Variants in MCC observed in about 807,000 individuals in gnomAD.
MCC encodes the protein colorectal mutant cancer protein.
Under a neutral mutation model 116.2 loss-of-function variants are expected in MCC, and 90 were observed. The ratio of observed to expected loss-of-function variants is 0.77; its 90% CI spans 0.65 to 0.92. MCC has a LOEUF of 0.92. Ranked by LOEUF, MCC falls within the 40% of genes least tolerant of loss-of-function variation. The pLI is 0.00. For synonymous variants in MCC, 578 were observed against 510.5 expected (o/e 1.13, Z -1.78); for missense variants, 1,516 against 1,312.2 (o/e 1.16, Z -2.40).
Position 113,329,823 on chromosome 5 carries a change from C to T in MCC, c.627+10696G>A, listed in dbSNP as rs1767656746. On this transcript the variant is annotated intron_variant, in intron 3 of 18. Transcript: ENST00000408903. ...GTCCATCCCTTTAGTGTATATAGATCAGCTTAGCCTCTCCTCCAGAAAGCA... is the reference window on the plus strand; with the variant it reads ...GTCCATCCCTTTAGTGTATATAGATTAGCTTAGCCTCTCCTCCAGAAAGCA... Among the ~76,000 whole-genome samples the T allele has an allele frequency of 2.0e-5, 3 of 152,164 alleles. No individual in the cohort carries two copies. In the South Asian group the frequency reaches 6.2e-4, roughly 32 times the overall value.
At chr5:113,117,899 G>C (rs1332730431) in intron 6 of MCC, among the ~76,000 whole-genome samples, 1 of 152,202 alleles carries the variant, frequency 6.6e-6, no homozygotes, top group Non-Finnish European at 1.5e-5. Context: ...TGATCACACA[G>C]CTGCTCCCTA....
In MCC at chr5:113,322,080, C is replaced by A. The variant is rs373651750; in HGVS notation, c.627+18439G>T. Among the ~76,000 whole-genome samples the A allele has an allele frequency of 1.8e-4, 27 of 152,306 alleles. 4 individuals carry two copies. Among genetic ancestry groups the A allele is most frequent in the Admixed American group, 7.2e-4 (11 of 15,302 alleles). On this transcript the variant is annotated intron_variant, in intron 3 of 18. Coordinates refer to ENST00000408903, the MANE Select transcript of MCC (RefSeq NM_001085377.2). ...CTCCTGACCTCAGGTGATCCACCTG[C>A]CTCGGGCTCCCAAAGTGCTGGGATT...
intron 16 of MCC, chr5:113,044,467 G>A (rs1425264050): frequency 9.2e-6 from 9 of 982,936 alleles, no homozygotes; most frequent in Non-Finnish European, 9.7e-6. Context: ...ATGGCTGGGG[G>A]AAGGCATTCA....
chr5:113,074,167 C>G (rs1754251876), intron 11 of MCC, among the ~76,000 whole-genome samples: 1 of 152,206 alleles, frequency 6.6e-6, no homozygotes. Flanking sequence ...GCTGGGTGCC[C>G]CTTTGATACG....
chr5:113,428,648 A>T (rs1666538280), intron 1 of MCC: 1 of 151,698 alleles, frequency 6.6e-6, no homozygotes, highest in Non-Finnish European at 1.5e-5. Context: ...TGCTTCCTTC[A>T]CTCCCTCACA....
chr5:113,467,443 T>A (rs1457882918), intron 1 of MCC, among the ~76,000 whole-genome samples: 1 of 152,218 alleles, frequency 6.6e-6, no homozygotes, highest in Non-Finnish European at 1.5e-5. Context: ...AAATAGGGAA[T>A]CCTTTCCCAT....
At chr5:113,279,154 C>T (rs1358747298) in intron 3 of MCC, among the ~76,000 whole-genome samples, 1 of 152,030 alleles carries the variant, frequency 6.6e-6, no homozygotes, top group East Asian at 1.9e-4. Flanking sequence ...AGTAACTTCC[C>T]AATTCCAATT....
At chr5:113,291,035 T>A (rs1581374051) in intron 3 of MCC, among the ~76,000 whole-genome samples, 1 of 152,212 alleles carries the variant, frequency 6.6e-6, no homozygotes, top group East Asian at 1.9e-4. Flanking sequence ...CCATTTATGG[T>A]CAATAAATAC....
At chr5:113,070,033 T>C (rs540483020) in intron 12 of MCC, among the ~76,000 whole-genome samples, 1 of 152,328 alleles carries the variant, frequency 6.6e-6, no homozygotes, top group Admixed American at 6.5e-5. Context: ...GTTGTACTAA[T>C]GTGGAGAAAG....
At chr5:113,200,326 G>A (rs1054409696) in intron 3 of MCC, among the ~76,000 whole-genome samples, 1 of 152,180 alleles carries the variant, frequency 6.6e-6, no homozygotes, top group Non-Finnish European at 1.5e-5. Context: ...CAACAGGCAG[G>A]TACAGTTTGT....
At chr5:113,066,936 G>A (rs1753647303) in intron 13 of MCC, among the ~76,000 whole-genome samples, 1 of 152,172 alleles carries the variant, frequency 6.6e-6, no homozygotes, top group Non-Finnish European at 1.5e-5. Flanking sequence ...CTCTCCGAAG[G>A]CTAAGGGGGT....
intron 1 of MCC, among the ~76,000 whole-genome samples, chr5:113,412,616 G>A (rs1235499831): frequency 6.6e-6 from 1 of 152,200 alleles, no homozygotes; most frequent in Non-Finnish European, 1.5e-5. Flanking sequence ...TTTGCACACT[G>A]ATTTTGTATA....
At chr5:113,263,629 C>G (rs1765294844) in intron 3 of MCC, among the ~76,000 whole-genome samples, 1 of 152,198 alleles carries the variant, frequency 6.6e-6, no homozygotes, top group Non-Finnish European at 1.5e-5. Flanking sequence ...AATAATTTTA[C>G]TGCAGGAATC....
chr5:113,462,227 C>T (rs1771763298), intron 1 of MCC, among the ~76,000 whole-genome samples: 1 of 152,226 alleles, frequency 6.6e-6, no homozygotes. Flanking sequence ...CTCTGGCTAA[C>T]CCAGCCATTC....
At chr5:113,066,891 C>A (rs571612818) in intron 13 of MCC, among the ~76,000 whole-genome samples, 1 of 152,194 alleles carries the variant, frequency 6.6e-6, no homozygotes, top group Non-Finnish European at 1.5e-5. Context: ...CTGGAGAGAC[C>A]TGGTCACCTT....
At chr5:113,156,204 G>A (rs7720516) in intron 3 of MCC, among the ~76,000 whole-genome samples, 1 of 151,980 alleles carries the variant, frequency 6.6e-6, no homozygotes, top group African/African-American at 2.4e-5. Context: ...AAAGCGCTAT[G>A]AAGTTGAGAG....
chr5:113,290,824 C>G (rs1766466202), intron 3 of MCC, among the ~76,000 whole-genome samples: 1 of 152,084 alleles, frequency 6.6e-6, no homozygotes, highest in African/African-American at 2.4e-5. Context: ...TTTTGCAATG[C>G]TTTTGATTTG....
chr5:113,229,528 C>CT (rs1334903827), intron 3 of MCC, among the ~76,000 whole-genome samples: 1 of 152,190 alleles, frequency 6.6e-6, no homozygotes, highest in African/African-American at 2.4e-5. Context: ...CTGAGGATTA[C>CT]TGGCCCAAAC....
At position 113,431,771 on chromosome 5, in the gene MCC, G is replaced by C. The variant is rs949095632; in HGVS notation, c.171-46559C>G. ...AGCAGTTTGGGAGGCCAAGGGGGGGGGGGGGTGGATCACGAGGTCAAGAGT... is the reference window on the plus strand; with the variant it reads ...AGCAGTTTGGGAGGCCAAGGGGGGGCGGGGGTGGATCACGAGGTCAAGAGT... On this transcript the variant is annotated intron_variant, in intron 1 of 18. Coordinates refer to ENST00000408903, the MANE Select transcript of MCC (RefSeq NM_001085377.2). Among the ~76,000 whole-genome samples the C allele has an allele frequency of 2.8e-5, 4 of 143,996 alleles. No homozygotes were observed. The East Asian group carries it at 6.8e-4, about 25-fold the overall frequency. 94.5% of individuals were successfully genotyped at this position (143,996 alleles called of 152,430 possible).
Sources: gnomAD v4.1 joint callset for allele counts (sites outside exome capture counted in the v4.1 genomes callset) on GRCh38, gnomAD v4.1.1 for gene constraint, MANE v1.5 for transcripts, NCBI Gene and HGNC (gene_info 2026-07-23, HGNC 2026-07-21) for gene names.